Variants in PRKN observed in about 807,000 individuals in gnomAD.
PRKN encodes the protein parkin RBR E3 ubiquitin protein ligase, also known as E3 ubiquitin-protein ligase parkin.
PRKN carries 56 observed loss-of-function variants against 59.5 expected under a neutral mutation model. The observed-to-expected ratio is 0.94, with a 90% CI of 0.76 to 1.18. The LOEUF (loss-of-function observed/expected upper bound fraction) is 1.18. Ranked by LOEUF, PRKN falls within the 50% of genes most tolerant of loss-of-function variation. The probability of loss-of-function intolerance (pLI) is 0.00; values close to 1 mark genes in which losing one functional copy is unlikely to be tolerated. For missense variants in PRKN, 657 were observed against 596.4 expected (o/e 1.10, Z -1.06); for synonymous variants, 250 against 222.1 (o/e 1.13, Z -1.12).
In PRKN at chr6:161,561,737, C is replaced by G. The variant is rs1031324394; in HGVS notation, c.933+7618G>C. On this transcript the variant is annotated intron_variant, in intron 8 of 11. Coordinates refer to ENST00000366898, the MANE Select transcript of PRKN (RefSeq NM_004562.3). This position sits in a 1 kb window ranked among gnomAD's most constrained non-coding sequence, Gnocchi z 5.0. ...CTCTCAAATTACCGGTAATTCATCT[C>G]TGTGGAATCCTTCCTGTGAGTGTAA... 1.3e-5 allele frequency among the ~76,000 whole-genome samples: 2 copies of G among 152,146 alleles called. No individual in the cohort carries two copies.
At chr6:162,153,456 G>T (rs1011616108) in intron 4 of PRKN, among the ~76,000 whole-genome samples, 1 of 152,214 alleles carries the variant, frequency 6.6e-6, no homozygotes, top group African/African-American at 2.4e-5. Context: ...GCTGTCAGCA[G>T]ACAACAGTGT....
intron 1 of PRKN, among the ~76,000 whole-genome samples, chr6:162,500,197 G>C (rs1223895874): frequency 1.4e-5 from 2 of 145,058 alleles, no homozygotes; most frequent in Non-Finnish European, 3.0e-5. Flanking sequence ...TTTGGTGACA[G>C]AGTTTCACTC....
chr6:162,205,778 G>T (rs971362811), intron 3 of PRKN, among the ~76,000 whole-genome samples: 4 of 151,954 alleles, frequency 2.6e-5, no homozygotes, highest in African/African-American at 9.7e-5. Flanking sequence ...AGCATATGTA[G>T]CCATTAGCTA....
chr6:161,972,602 T>A (rs55674794), intron 6 of PRKN, among the ~76,000 whole-genome samples: 13,796 of 152,256 alleles, frequency 0.091, 742 homozygotes, highest in African/African-American at 0.14. Flanking sequence ...AACTAGCTAC[T>A]TGCTTTCATT....
chr6:161,361,145 T>C lies in PRKN; in HGVS notation c.1168-940A>G, dbSNP rs529389934. Reference sequence around the variant, plus strand: ...ACCTTAAGGACCAGCCATTCGCTGATTATCCCCAGATAAGATGCAGCATCA... The same window carrying C: ...ACCTTAAGGACCAGCCATTCGCTGACTATCCCCAGATAAGATGCAGCATCA... On this transcript the variant is annotated intron_variant, in intron 10 of 11. Transcript: ENST00000366898. This position sits in a 1 kb window ranked among gnomAD's most constrained non-coding sequence, Gnocchi z 5.2. Among the ~76,000 whole-genome samples, 1 of 152,280 alleles carries C rather than the reference T, an allele frequency of 6.6e-6. No individual in the cohort carries two copies. Among genetic ancestry groups the C allele is most frequent in the East Asian group, 1.9e-4 (1 of 5,176 alleles).
rs1787436847 is a variant in PRKN, at chr6:161,409,749, T to A, written c.1084-22872A>T. On this transcript the variant is annotated intron_variant, in intron 9 of 11. Coordinates refer to ENST00000366898, the MANE Select transcript of PRKN (RefSeq NM_004562.3). The surrounding 1 kb of genome is among the most constrained non-coding windows in gnomAD (Gnocchi z 4.6). ...CTTTCAGAGTCAGGTCGCTGTTAGATGACAACCCCTTCAGCACCGGCCTGA... is the reference window on the plus strand; with the variant it reads ...CTTTCAGAGTCAGGTCGCTGTTAGAAGACAACCCCTTCAGCACCGGCCTGA... 1.3e-5 allele frequency among the ~76,000 whole-genome samples: 2 copies of A among 152,146 alleles called. No individual in the cohort carries two copies. The highest frequency in any genetic ancestry group is 2.4e-5 in the African/African-American group (1 of 41,426).
intron 2 of PRKN, among the ~76,000 whole-genome samples, chr6:162,370,251 T>C (rs1562708056): frequency 6.6e-6 from 1 of 152,190 alleles, no homozygotes; most frequent in Non-Finnish European, 1.5e-5. Flanking sequence ...TGGGATCACC[T>C]GGCAGATGAT....
In PRKN at chr6:161,579,490, AT is replaced by A. The variant is rs750914181; in HGVS notation, c.872-10075del. 4.6e-5 allele frequency among the ~76,000 whole-genome samples: 7 copies of A among 152,170 alleles called. No individual in the cohort carries two copies. The highest frequency in any genetic ancestry group is 7.3e-5 in the Non-Finnish European group (5 of 68,028). ...TGTTTATAAACTGGAAACTTGTGTA[AT>A]TTATATTTGTACCCTATACTTCGCC... On this transcript the variant is annotated intron_variant, in intron 7 of 11. Transcript: ENST00000366898. This position sits in a 1 kb window ranked among gnomAD's most constrained non-coding sequence, Gnocchi z 4.2.
chr6:162,234,202 T>C (rs1330004744), intron 3 of PRKN, among the ~76,000 whole-genome samples: 2 of 152,154 alleles, frequency 1.3e-5, no homozygotes, highest in East Asian at 3.9e-4. Flanking sequence ...AAGAATGTTT[T>C]GGACTCAGAG....
chr6:161,824,430 C>A (rs2128217136), intron 6 of PRKN, among the ~76,000 whole-genome samples: 1 of 152,202 alleles, frequency 6.6e-6, no homozygotes, highest in Admixed American at 6.5e-5. Context: ...TAATGGAAAC[C>A]ACTTGAGAGA....
intron 1 of PRKN, among the ~76,000 whole-genome samples, chr6:162,491,837 G>C (rs62428842): frequency 0.23 from 34,516 of 152,074 alleles, 4,807 homozygotes; most frequent in African/African-American, 0.38. Context: ...CCAGTGGCTA[G>C]AACACTCCTG....
chr6:162,678,020 T>C (rs1779619112), intron 1 of PRKN, among the ~76,000 whole-genome samples: 1 of 152,176 alleles, frequency 6.6e-6, no homozygotes, highest in African/African-American at 2.4e-5. Flanking sequence ...ACAGATTAGT[T>C]TGCATTTTCT....
rs140004873 is a variant in PRKN at position 162,439,139 on chromosome 6, A to G, written c.171+4171T>C. Among the ~76,000 whole-genome samples, 809 of 152,196 alleles carry G rather than the reference A, an allele frequency of 5.3e-3. 4 individuals are homozygous for G. Among genetic ancestry groups the G allele is most frequent in the African/African-American group, 0.019 (784 of 41,534 alleles). On this transcript the variant is annotated intron_variant, in intron 2 of 11. Transcript: ENST00000366898. ...AGAGGCTCTCCACTCAGCCTTTACT[A>G]GTGTTGGTGGGGACAAGGATAGGGC...
intron 2 of PRKN, among the ~76,000 whole-genome samples, chr6:162,305,778 T>C (rs1041180541): frequency 6.6e-6 from 1 of 152,148 alleles, no homozygotes; most frequent in East Asian, 1.9e-4. Context: ...ACAATATATA[T>C]GATTTTGGAA....
At chr6:162,508,668 T>C (rs925899622) in intron 1 of PRKN, among the ~76,000 whole-genome samples, 13 of 152,272 alleles carry the variant, frequency 8.5e-5, no homozygotes, top group African/African-American at 3.1e-4. Flanking sequence ...GGGCTCTCTT[T>C]AAGGCCTCTC....
intron 1 of PRKN, among the ~76,000 whole-genome samples, chr6:162,616,052 G>GC (rs1782396204): frequency 6.6e-6 from 1 of 152,102 alleles, no homozygotes; most frequent in Non-Finnish European, 1.5e-5. Context: ...CTGTCACCCA[G>GC]GAACCTCCTA....
At chr6:162,253,632 T>C (rs2128097029) in intron 3 of PRKN, among the ~76,000 whole-genome samples, 1 of 152,260 alleles carries the variant, frequency 6.6e-6, no homozygotes, top group Non-Finnish European at 1.5e-5. Flanking sequence ...GAACTTCTAG[T>C]CCTAGAATTC....
chr6:162,157,217 C>T (rs1782551209), intron 4 of PRKN, among the ~76,000 whole-genome samples: 1 of 152,008 alleles, frequency 6.6e-6, no homozygotes, highest in African/African-American at 2.4e-5. Flanking sequence ...CACCACACCC[C>T]TGTACCCTGT....
At chr6:162,187,104 A>G (rs1784065131) in intron 4 of PRKN, among the ~76,000 whole-genome samples, 1 of 152,182 alleles carries the variant, frequency 6.6e-6, no homozygotes, top group Non-Finnish European at 1.5e-5. Flanking sequence ...TGCCCAATGG[A>G]AAATGAAAAA....
Sources: allele counts gnomAD v4.1 joint callset (sites outside exome capture counted in the v4.1 genomes callset), GRCh38; gene constraint gnomAD v4.1.1; non-coding constraint Gnocchi (gnomAD v3.1); transcripts MANE v1.5; gene names NCBI Gene and HGNC (gene_info 2026-07-23, HGNC 2026-07-21).